The following SORBS2 variants were observed in gnomAD, a reference collection of about 807,000 sequenced individuals.
SORBS2 encodes sorbin and SH3 domain containing 2, also known as sorbin and SH3 domain-containing protein 2.
A neutral mutation model predicts 97.7 loss-of-function variants in SORBS2; 46 were observed. The ratio of observed to expected loss-of-function variants is 0.47; its 90% CI spans 0.37 to 0.60. The LOEUF (loss-of-function observed/expected upper bound fraction) is 0.60. Among genes scored for constraint, SORBS2 ranks in the 20% least tolerant of loss-of-function variants. The pLI, the probability that SORBS2 is intolerant of heterozygous loss-of-function variation, is 0.00. For synonymous variants in SORBS2, 476 were observed against 473.4 expected, an observed-to-expected ratio of 1.01 and a Z score of -0.07; for missense variants, 1,316 against 1,282.3, an observed-to-expected ratio of 1.03 and a Z score of -0.40.
chr4:185,919,830 C>A (rs546239326), intron 1 of SORBS2, among the ~76,000 whole-genome samples: 1 of 152,324 alleles, frequency 6.6e-6, no homozygotes, highest in Admixed American at 6.5e-5. Context: ...TCTTTTCATG[C>A]CATGCATCTC....
intron 2 of SORBS2, among the ~76,000 whole-genome samples, chr4:185,759,153 A>G (rs1349306910): frequency 6.6e-6 from 1 of 152,236 alleles, no homozygotes; most frequent in Non-Finnish European, 1.5e-5. Flanking sequence ...TGAGGATGTC[A>G]GGATTGCTAG....
chr4:185,612,490 TA>T (rs200646459), intron 11 of SORBS2, among the ~76,000 whole-genome samples: 2,989 of 129,878 alleles, frequency 0.023, 98 homozygotes, highest in African/African-American at 0.077. Context: ...TTTTTATTTC[TA>T]TTTTTTTTTT....
intron 1 of SORBS2, among the ~76,000 whole-genome samples, chr4:185,821,377 T>C (rs1262235711): frequency 6.6e-6 from 1 of 152,176 alleles, no homozygotes; most frequent in African/African-American, 2.4e-5. Flanking sequence ...GTAAGAACTT[T>C]GGGCCTTATC....
intron 1 of SORBS2, among the ~76,000 whole-genome samples, chr4:185,824,519 T>C (rs1018275808): frequency 6.6e-6 from 1 of 152,152 alleles, no homozygotes; most frequent in Non-Finnish European, 1.5e-5. Flanking sequence ...ATAACAGTTA[T>C]GGTGTTACAG....
intron 2 of SORBS2, among the ~76,000 whole-genome samples, chr4:185,745,062 G>A (rs1266370652): frequency 1.3e-5 from 2 of 152,354 alleles, no homozygotes; most frequent in African/African-American, 2.4e-5. Context: ...GGGATGGACA[G>A]TACCTGGCCG....
chr4:185,754,437 A>G (rs1434618682), intron 2 of SORBS2, among the ~76,000 whole-genome samples: 3 of 152,212 alleles, frequency 2.0e-5, no homozygotes, highest in Non-Finnish European at 4.4e-5. Context: ...ATCTATCTAT[A>G]TAACAAACCT....
intron 1 of SORBS2, among the ~76,000 whole-genome samples, chr4:185,944,694 T>G (rs1579617420): frequency 6.6e-6 from 1 of 152,288 alleles, no homozygotes; most frequent in East Asian, 1.9e-4. Flanking sequence ...CAGATACTCA[T>G]GAGACAAGCG....
intron 2 of SORBS2, among the ~76,000 whole-genome samples, chr4:185,651,442 T>A (rs1016853034): frequency 5.9e-5 from 9 of 152,240 alleles, no homozygotes; most frequent in East Asian, 1.9e-4. Context: ...TCTTACACAA[T>A]TGTAATCATT....
intron 1 of SORBS2, among the ~76,000 whole-genome samples, chr4:185,911,869 CA>C (rs2099255285): frequency 6.6e-6 from 1 of 152,196 alleles, no homozygotes; most frequent in Non-Finnish European, 1.5e-5. Context: ...TTAGCATCAA[CA>C]TTCACAGAAC....
chr4:185,915,590 C>CT (rs1296089796), intron 1 of SORBS2, among the ~76,000 whole-genome samples: 4 of 152,074 alleles, frequency 2.6e-5, no homozygotes, highest in Non-Finnish European at 5.9e-5. Flanking sequence ...CTCTCATTTC[C>CT]TTCCCTCTTT....
chr4:185,646,754 C>G, exon 4 of SORBS2: 1 of 1,612,584 alleles, frequency 6.2e-7, no homozygotes, highest in Non-Finnish European at 8.5e-7. Context: ...CTTGTGTCCA[C>G]TTTTCTGTCT....
chr4:185,691,736 G>A (rs2098098821), intron 2 of SORBS2, among the ~76,000 whole-genome samples: 1 of 152,090 alleles, frequency 6.6e-6, no homozygotes, highest in South Asian at 2.1e-4. Context: ...GCAGAAAGGG[G>A]TTGTCTCAGA....
intron 1 of SORBS2, among the ~76,000 whole-genome samples, chr4:185,830,210 T>C (rs1025022250): frequency 6.6e-5 from 10 of 152,166 alleles, no homozygotes; most frequent in Non-Finnish European, 1.5e-5. Flanking sequence ...CATTGAATGG[T>C]GCTTAGGAAA....
At chr4:185,916,095 T>C (rs887144288) in intron 1 of SORBS2, among the ~76,000 whole-genome samples, 1 of 152,098 alleles carries the variant, frequency 6.6e-6, no homozygotes, top group Non-Finnish European at 1.5e-5. Context: ...GTCAGGAAGA[T>C]ACTGAAGGGT....
intron 1 of SORBS2, among the ~76,000 whole-genome samples, chr4:185,856,794 C>T (rs1360691910): frequency 6.6e-6 from 1 of 152,046 alleles, no homozygotes; most frequent in East Asian, 1.9e-4. Context: ...TTCTGCCTGG[C>T]TGGGGAGGCC....
chr4:185,915,498 G>T (rs1194926671), intron 1 of SORBS2, among the ~76,000 whole-genome samples: 1 of 152,188 alleles, frequency 6.6e-6, no homozygotes, highest in Admixed American at 6.5e-5. Flanking sequence ...GGGAGGACCA[G>T]GAGAGTACAT....
chr4:185,937,011 C>A (rs905994835), intron 1 of SORBS2, among the ~76,000 whole-genome samples: 1 of 152,218 alleles, frequency 6.6e-6, no homozygotes, highest in Admixed American at 6.5e-5. Flanking sequence ...TATTTTAATT[C>A]CAAATGTAAT....
chr4:185,665,956 G>A, intron 4 of SORBS2: 4 of 1,245,496 alleles, frequency 3.2e-6, no homozygotes, highest in Non-Finnish European at 4.1e-6. Context: ...GAGGCTTTCT[G>A]GAGCTGGGAG....
chr4:185,731,311 C>T (rs1188723587), intron 2 of SORBS2, among the ~76,000 whole-genome samples: 1 of 152,206 alleles, frequency 6.6e-6, no homozygotes, highest in African/African-American at 2.4e-5. Context: ...GCATCATTTT[C>T]TCTTGTCTCT....
Sources: allele counts gnomAD v4.1 joint callset (sites outside exome capture counted in the v4.1 genomes callset), GRCh38; gene constraint gnomAD v4.1.1; transcripts MANE v1.5; gene names NCBI Gene and HGNC (gene_info 2026-07-23, HGNC 2026-07-21).